Variants in BCL2L13 observed in about 807,000 individuals in gnomAD.
The protein encoded by BCL2L13 is bcl-2-like protein 13.
In BCL2L13, 13 loss-of-function variants were observed where a neutral mutation model predicts 25.8. The ratio of observed to expected loss-of-function variants is 0.50; its 90% confidence interval spans 0.33 to 0.80. The LOEUF is 0.80. BCL2L13 is among the 30% of genes least tolerant of loss of function. BCL2L13 has a pLI of 0.02. For missense variants in BCL2L13, 504 were observed against 574.9 expected (o/e 0.88, Z 1.26); for synonymous variants, 244 against 230.3 (o/e 1.06, Z -0.54).
intron 6 of BCL2L13, among the ~76,000 whole-genome samples, chr22:17,710,884 A>C (rs538728708): frequency 2.0e-5 from 3 of 152,088 alleles, no homozygotes; most frequent in Non-Finnish European, 2.9e-5. Flanking sequence ...CTCAAAAAAA[A>C]TAAAAATAAA....
chr22:17,667,300 T>C (rs1477569645), intron 2 of BCL2L13, among the ~76,000 whole-genome samples: 1 of 151,840 alleles, frequency 6.6e-6, no homozygotes, highest in Non-Finnish European at 1.5e-5. Flanking sequence ...GCCTCCTGAG[T>C]AGTTGGGATT....
intron 1 of BCL2L13, among the ~76,000 whole-genome samples, chr22:17,631,136 G>A (rs867536848): frequency 6.7e-6 from 1 of 150,056 alleles, no homozygotes; most frequent in Non-Finnish European, 1.5e-5. Flanking sequence ...GAAGAGTGTC[G>A]CTCATGCTGG....
intron 2 of BCL2L13, among the ~76,000 whole-genome samples, chr22:17,659,056 TAAAAAAAAAAAAAAA>T (rs752881083): frequency 1.4e-4 from 4 of 28,094 alleles, no homozygotes; most frequent in Non-Finnish European, 3.0e-4. Context: ...AGACTCCATC[TAAAAAAAAAAAAAAA>T]AAAAAAAAAA....
chr22:17,677,027 T>C (rs539431266), intron 2 of BCL2L13, among the ~76,000 whole-genome samples: 104 of 152,334 alleles, frequency 6.8e-4, no homozygotes, highest in Non-Finnish European at 1.3e-3. Flanking sequence ...ATTGGTGACA[T>C]TGAGGAGATC....
intron 1 of BCL2L13, among the ~76,000 whole-genome samples, chr22:17,652,533 G>A (rs560431292): frequency 6.6e-6 from 1 of 152,064 alleles, no homozygotes; most frequent in East Asian, 1.9e-4. Context: ...CTTCCTCCTG[G>A]GTTCAAGCAA....
chr22:17,654,818 C>G (rs182453865), intron 1 of BCL2L13, among the ~76,000 whole-genome samples: 94 of 151,928 alleles, frequency 6.2e-4, no homozygotes, highest in Admixed American at 5.5e-3. Context: ...ACCTCCTGGG[C>G]TCAAGCAATC....
rs372502658 is a variant in BCL2L13 at position 17,693,375 on chromosome 22, T to TG, written c.387-2766_387-2765insG. 2.6e-4 allele frequency among the ~76,000 whole-genome samples: 8 copies of TG among 30,412 alleles called. No homozygotes were observed. The South Asian group carries it at 6.4e-3, about 24-fold the overall frequency. 20.0% of individuals were successfully genotyped at this position (30,412 alleles called of 152,430 possible). ...TTTATTTATTTATTTAGTGTTTGTT[T>TG]TTTTTTTTTTTTTTTTTTTTTGGAG... On this transcript the variant is annotated intron_variant, in intron 4 of 6. Transcript: ENST00000317582.
upstream of BCL2L13, among the ~76,000 whole-genome samples, chr22:17,635,162 T>G (rs991994150): frequency 1.3e-5 from 2 of 150,820 alleles, no homozygotes; most frequent in Admixed American, 1.3e-4. Flanking sequence ...CCAAGGCAGG[T>G]GGATCACTTG....
At chr22:17,631,707 T>TATATA (rs55897356) in intron 1 of BCL2L13, among the ~76,000 whole-genome samples, 1 of 9,098 alleles carries the variant, frequency 1.1e-4, no homozygotes, top group African/African-American at 3.5e-4. Context: ...TATATATATA[T>TATATA]TTTTTTTTTT....
intron 2 of BCL2L13, among the ~76,000 whole-genome samples, chr22:17,681,979 C>A (rs988613955): frequency 6.6e-6 from 1 of 152,164 alleles, no homozygotes; most frequent in African/African-American, 2.4e-5. Context: ...TACATACGTA[C>A]GTACATGTAC....
intron 6 of BCL2L13, among the ~76,000 whole-genome samples, chr22:17,719,740 A>G (rs2061049679): frequency 6.6e-6 from 1 of 151,050 alleles, no homozygotes; most frequent in African/African-American, 2.4e-5. Flanking sequence ...GAGGCAGGAT[A>G]ATCGCTGGAA....
At chr22:17,665,438 T>C (rs1158715655) in intron 2 of BCL2L13, among the ~76,000 whole-genome samples, 1 of 152,222 alleles carries the variant, frequency 6.6e-6, no homozygotes, top group African/African-American at 2.4e-5. Flanking sequence ...TGTTCCAACT[T>C]CTGCCTGTTT....
chr22:17,647,030 G>A (rs1192778790), intron 1 of BCL2L13, among the ~76,000 whole-genome samples: 5 of 139,534 alleles, frequency 3.6e-5, no homozygotes, highest in Non-Finnish European at 7.5e-5. Context: ...CTGGAATGCA[G>A]TGGCACAATC....
chr22:17,715,150 ATATATATATATATATATATATTTTTTTTT>A (rs2060894570), intron 6 of BCL2L13, among the ~76,000 whole-genome samples: 5 of 6,292 alleles, frequency 7.9e-4, no homozygotes, highest in Non-Finnish European at 1.1e-3. Context: ...ATATATATAT[ATATATATATATATATATATATTTTTTTTT>A]TTTTTTTTTT....
chr22:17,693,708 C>A (rs1440561918), intron 4 of BCL2L13, among the ~76,000 whole-genome samples: 1 of 151,006 alleles, frequency 6.6e-6, no homozygotes, highest in Non-Finnish European at 1.5e-5. Context: ...TCTGCAAAAG[C>A]AAGACTCCTT....
intron 1 of BCL2L13, among the ~76,000 whole-genome samples, chr22:17,641,756 C>T (rs2058292662): frequency 6.6e-6 from 1 of 151,728 alleles, no homozygotes; most frequent in South Asian, 2.1e-4. Context: ...TATGGATTTG[C>T]CTATTCTGGA....
intron 5 of BCL2L13, among the ~76,000 whole-genome samples, chr22:17,701,650 G>T (rs2060438500): frequency 6.6e-6 from 1 of 152,156 alleles, no homozygotes. Context: ...TTCAGGCTGG[G>T]CGTGGTGGCA....
chr22:17,636,424 C>G (rs2058107715), upstream of BCL2L13, among the ~76,000 whole-genome samples: 1 of 151,662 alleles, frequency 6.6e-6, no homozygotes, highest in African/African-American at 2.4e-5. Flanking sequence ...CCCAGGAGGT[C>G]CATGATGCAG....
intron 5 of BCL2L13, among the ~76,000 whole-genome samples, chr22:17,699,826 T>G (rs966708792): frequency 6.6e-6 from 1 of 152,094 alleles, no homozygotes; most frequent in Non-Finnish European, 1.5e-5. Flanking sequence ...AAATGTCAAG[T>G]TGATGGAGGT....
Sources: gnomAD v4.1 joint callset for allele counts (sites outside exome capture counted in the v4.1 genomes callset) on GRCh38, gnomAD v4.1.1 for gene constraint, MANE v1.5 for transcripts, NCBI Gene and HGNC (gene_info 2026-07-23, HGNC 2026-07-21) for gene names.